Variants in CAMK1D observed in about 807,000 individuals in gnomAD.
CAMK1D encodes calcium/calmodulin dependent protein kinase ID, also known as calcium/calmodulin-dependent protein kinase type 1D.
In CAMK1D, 9 loss-of-function variants were observed where a neutral mutation model predicts 47.7. That is an observed-to-expected ratio of 0.19 (90% CI 0.11 to 0.33). The LOEUF (loss-of-function observed/expected upper bound fraction) is 0.33. CAMK1D is among the 10% of genes least tolerant of loss of function. The pLI is 1.00. For synonymous variants in CAMK1D, 184 were observed against 184.9 expected, an observed-to-expected ratio of 0.99 and a Z score of 0.04; for missense variants, 291 against 488.7, an observed-to-expected ratio of 0.60 and a Z score of 3.81.
intron 1 of CAMK1D, among the ~76,000 whole-genome samples, chr10:12,514,195 C>A (rs1835120102): frequency 6.6e-6 from 1 of 152,184 alleles, no homozygotes; most frequent in African/African-American, 2.4e-5. Context: ...GCTGTTTTAT[C>A]TCGCTGCTTC....
At chr10:12,624,977 CCTT>C (rs1169705993) in intron 2 of CAMK1D, among the ~76,000 whole-genome samples, 4 of 147,714 alleles carry the variant, frequency 2.7e-5, no homozygotes, top group African/African-American at 5.0e-5. Flanking sequence ...TTCTCTTCCT[CCTT>C]CTCCTTCCTC....
intron 3 of CAMK1D, among the ~76,000 whole-genome samples, chr10:12,727,097 T>C (rs1338981529): frequency 2.0e-5 from 3 of 152,204 alleles, no homozygotes; most frequent in Non-Finnish European, 2.9e-5. Flanking sequence ...GACGGAGGCT[T>C]GTGGCTCATG....
chr10:12,795,678 T>C (rs994889717), intron 6 of CAMK1D, among the ~76,000 whole-genome samples: 5 of 152,246 alleles, frequency 3.3e-5, no homozygotes, highest in Non-Finnish European at 1.5e-5. Context: ...TTGCACGCCA[T>C]ATAAACATTC....
chr10:12,684,922 C>T (rs1346054228), intron 3 of CAMK1D, among the ~76,000 whole-genome samples: 1 of 152,186 alleles, frequency 6.6e-6, no homozygotes, highest in Non-Finnish European at 1.5e-5. Context: ...TGGAGGAGAA[C>T]AGCTGCCTCC....
intron 1 of CAMK1D, among the ~76,000 whole-genome samples, chr10:12,481,659 A>G (rs565248904): frequency 6.6e-6 from 1 of 152,122 alleles, no homozygotes; most frequent in Admixed American, 6.5e-5. Flanking sequence ...ACAGGCGTGT[A>G]CCACCACGCC....
chr10:12,564,859 A>G (rs1367160623), intron 2 of CAMK1D, among the ~76,000 whole-genome samples: 1 of 152,244 alleles, frequency 6.6e-6, no homozygotes, highest in African/African-American at 2.4e-5. Flanking sequence ...GTATACACAC[A>G]TGTAAATGTA....
intron 3 of CAMK1D, among the ~76,000 whole-genome samples, chr10:12,724,182 G>T (rs998936304): frequency 6.6e-6 from 1 of 152,156 alleles, no homozygotes; most frequent in Non-Finnish European, 1.5e-5. Context: ...TAGAGATGAG[G>T]TTTCACCATG....
At chr10:12,628,599 G>A (rs1264562965) in intron 2 of CAMK1D, among the ~76,000 whole-genome samples, 1 of 152,064 alleles carries the variant, frequency 6.6e-6, no homozygotes, top group Non-Finnish European at 1.5e-5. Flanking sequence ...CGGTACATTT[G>A]CTATAATTGA....
At chr10:12,604,072 G>A (rs1427068402) in intron 2 of CAMK1D, among the ~76,000 whole-genome samples, 1 of 150,930 alleles carries the variant, frequency 6.6e-6, no homozygotes, top group Non-Finnish European at 1.5e-5. Flanking sequence ...TAGTAGTTAA[G>A]TTCCTCTGTC....
intron 3 of CAMK1D, among the ~76,000 whole-genome samples, chr10:12,684,122 G>A (rs1430002912): frequency 6.6e-6 from 1 of 152,204 alleles, no homozygotes; most frequent in Non-Finnish European, 1.5e-5. Context: ...ACAGAGCCCA[G>A]CGGCCAGTTT....
intron 2 of CAMK1D, among the ~76,000 whole-genome samples, chr10:12,564,764 A>T (rs1837069654): frequency 6.6e-6 from 1 of 152,240 alleles, no homozygotes; most frequent in Non-Finnish European, 1.5e-5. Flanking sequence ...ACAAACACAT[A>T]AAAGGGTATC....
At chr10:12,622,878 A>C (rs1006778048) in intron 2 of CAMK1D, among the ~76,000 whole-genome samples, 1 of 151,976 alleles carries the variant, frequency 6.6e-6, no homozygotes, top group African/African-American at 2.4e-5. Context: ...AGAACAGGAG[A>C]GAACTCGGCC....
At chr10:12,824,809 G>T (rs563041620) in intron 9 of CAMK1D, among the ~76,000 whole-genome samples, 1 of 152,262 alleles carries the variant, frequency 6.6e-6, no homozygotes, top group South Asian at 2.1e-4. Context: ...CATCACCCTT[G>T]TCTTTCTTCA....
chr10:12,638,043 G>T (rs918866150), intron 2 of CAMK1D, among the ~76,000 whole-genome samples: 1 of 152,150 alleles, frequency 6.6e-6, no homozygotes, highest in South Asian at 2.1e-4. Context: ...GGAGGACGGG[G>T]GGATTCCGAT....
chr10:12,361,847 C>G (rs1837674523), intron 1 of CAMK1D, among the ~76,000 whole-genome samples: 1 of 152,072 alleles, frequency 6.6e-6, no homozygotes, highest in Non-Finnish European at 1.5e-5. Flanking sequence ...TGAGCCACCG[C>G]TCCTGGCCTA....
chr10:12,630,967 C>G (rs991997802), intron 2 of CAMK1D, among the ~76,000 whole-genome samples: 1 of 152,144 alleles, frequency 6.6e-6, no homozygotes, highest in Non-Finnish European at 1.5e-5. Context: ...GATGCATTAT[C>G]TTACGACATA....
At chr10:12,744,190 G>A (rs1051974997) in intron 3 of CAMK1D, among the ~76,000 whole-genome samples, 2 of 151,998 alleles carry the variant, frequency 1.3e-5, no homozygotes, top group South Asian at 2.1e-4. Flanking sequence ...AAAATATTCC[G>A]TATATGGATT....
chr10:12,572,194 T>C (rs954346743), intron 2 of CAMK1D, among the ~76,000 whole-genome samples: 2 of 152,106 alleles, frequency 1.3e-5, no homozygotes, highest in East Asian at 3.9e-4. Flanking sequence ...TCATCTCTAA[T>C]TGTAATCCCC....
chr10:12,628,296 A>G (rs773342907), intron 2 of CAMK1D, among the ~76,000 whole-genome samples: 16 of 152,150 alleles, frequency 1.1e-4, no homozygotes, highest in Middle Eastern at 3.2e-3. Flanking sequence ...CATTCCCTCC[A>G]GTAATGTAAG....
Sources: gnomAD v4.1 joint callset for allele counts (sites outside exome capture counted in the v4.1 genomes callset) on GRCh38, gnomAD v4.1.1 for gene constraint, MANE v1.5 for transcripts, NCBI Gene and HGNC (gene_info 2026-07-23, HGNC 2026-07-21) for gene names.